Variants in SYN3 observed in about 807,000 individuals in gnomAD.
The protein encoded by SYN3 is synapsin III.
SYN3 carries 35 observed loss-of-function variants against 65.8 expected under a neutral mutation model. The observed-to-expected ratio is 0.53, with a 90% CI of 0.41 to 0.70. SYN3 has a LOEUF of 0.70. Among genes scored for constraint, SYN3 ranks in the 30% least tolerant of loss-of-function variants. The pLI, the probability that SYN3 is intolerant of heterozygous loss-of-function variation, is 0.00. For missense variants in SYN3, 680 were observed against 749.0 expected (o/e 0.91, Z 1.08); for synonymous variants, 270 against 292.9 (o/e 0.92, Z 0.80).
intron 3 of SYN3, among the ~76,000 whole-genome samples, chr22:32,947,310 A>G (rs1362214276): frequency 6.6e-6 from 1 of 152,242 alleles, no homozygotes; most frequent in African/African-American, 2.4e-5. Flanking sequence ...GGCATACTTT[A>G]TAAGAAAGAA....
chr22:32,609,082 T>C (rs2059406957), intron 6 of SYN3, among the ~76,000 whole-genome samples: 1 of 152,128 alleles, frequency 6.6e-6, no homozygotes, highest in South Asian at 2.1e-4. Flanking sequence ...CCCAGCACTT[T>C]GGGAGGCCGA....
At chr22:32,741,862 C>T (rs898702645) in intron 6 of SYN3, among the ~76,000 whole-genome samples, 9 of 152,154 alleles carry the variant, frequency 5.9e-5, no homozygotes, top group Non-Finnish European at 1.0e-4. Context: ...TGTCCCAAGC[C>T]AAAGGGTTCC....
At chr22:32,666,958 T>G (rs1176229361) in intron 6 of SYN3, among the ~76,000 whole-genome samples, 1 of 152,234 alleles carries the variant, frequency 6.6e-6, no homozygotes, top group African/African-American at 2.4e-5. Context: ...ATGTCCTTTG[T>G]CTGTTTCTCT....
At chr22:32,624,663 C>T (rs975767238) in intron 6 of SYN3, among the ~76,000 whole-genome samples, 2 of 152,168 alleles carry the variant, frequency 1.3e-5, no homozygotes, top group African/African-American at 2.4e-5. Flanking sequence ...TTGGGCTGGG[C>T]CTTTGGTCGC....
chr22:32,774,515 G>C (rs1190923958), intron 6 of SYN3, among the ~76,000 whole-genome samples: 1 of 152,192 alleles, frequency 6.6e-6, no homozygotes, highest in Non-Finnish European at 1.5e-5. Context: ...AGACTGGGTA[G>C]GGTGCTGTTG....
Position 32,931,070 on chromosome 22 carries a change from G to T in SYN3, c.461+320C>A, listed in dbSNP as rs535800308. On this transcript the variant is annotated intron_variant, in intron 4 of 13. Coordinates refer to ENST00000358763, the MANE Select transcript of SYN3 (RefSeq NM_003490.4). ...AACTTTAGCAGCCTCTAACTTCAGT[G>T]CATATCATCATGCTGCAGATGAGAA... 1.1e-4 allele frequency: 24 copies of T among 221,412 alleles called. No homozygotes were observed. The South Asian group carries it at 2.3e-3, about 22-fold the overall frequency. The allele number at this position is 221,412 out of a possible 1,614,324, so 13.7% of individuals were successfully genotyped here.
chr22:32,815,525 C>T (rs775536809), intron 6 of SYN3, among the ~76,000 whole-genome samples: 14 of 152,148 alleles, frequency 9.2e-5, no homozygotes, highest in Non-Finnish European at 1.8e-4. Flanking sequence ...GAGGTAGGCA[C>T]TCCTATTTCT....
chr22:32,931,500 CA>C lies in SYN3; in HGVS notation c.370-20del. On this transcript the variant is annotated intron_variant, in intron 3 of 13. Coordinates refer to ENST00000358763, the MANE Select transcript of SYN3 (RefSeq NM_003490.4). ...ATTCAGCCTGAAGAATAAAGCAAAG[CA>C]AAAAAGGATTCATCAAATACCAACG... The C allele has an allele frequency of 1.3e-6, 2 of 1,574,372 alleles. No individual in the cohort carries two copies. Among genetic ancestry groups the C allele is most frequent in the Non-Finnish European group, 1.7e-6 (2 of 1,147,044 alleles).
At chr22:32,552,982 T>A (rs4358228) in intron 7 of SYN3, among the ~76,000 whole-genome samples, 12,393 of 152,308 alleles carry the variant, frequency 0.081, 667 homozygotes, top group Non-Finnish European at 0.12. Flanking sequence ...ATGGTCAGGT[T>A]CTGGTGAGGC....
chr22:32,893,267 G>A (rs1346091283), intron 4 of SYN3, among the ~76,000 whole-genome samples: 2 of 152,182 alleles, frequency 1.3e-5, no homozygotes, highest in Non-Finnish European at 2.9e-5. Flanking sequence ...TATACATTGG[G>A]ATTAATTGGA....
At chr22:33,050,047 TA>T (rs11366864) in intron 1 of SYN3, among the ~76,000 whole-genome samples, 30,759 of 150,114 alleles carry the variant, frequency 0.2, 3,437 homozygotes, top group East Asian at 0.36. Context: ...TATTTTTTCT[TA>T]AAAAAAAAAG....
intron 7 of SYN3, among the ~76,000 whole-genome samples, chr22:32,555,684 G>A (rs2058484742): frequency 6.6e-6 from 1 of 152,124 alleles, no homozygotes; most frequent in Non-Finnish European, 1.5e-5. Context: ...GCAAAAATTA[G>A]CTGGCAGGGC....
chr22:33,040,152 A>AT (rs1190126082), intron 1 of SYN3, among the ~76,000 whole-genome samples: 1 of 113,082 alleles, frequency 8.8e-6, no homozygotes, highest in Admixed American at 8.5e-5. Context: ...TTTAATATAT[A>AT]TTTTTTGTAT....
intron 1 of SYN3, among the ~76,000 whole-genome samples, chr22:33,031,016 T>G (rs1438733898): frequency 1.3e-5 from 2 of 151,830 alleles, no homozygotes; most frequent in African/African-American, 2.4e-5. Context: ...GATAGAGACA[T>G]AGAGAGCCAG....
intron 1 of SYN3, among the ~76,000 whole-genome samples, chr22:33,023,203 C>T (rs966942666): frequency 2.5e-4 from 38 of 152,236 alleles, no homozygotes; most frequent in Admixed American, 1.8e-3. Flanking sequence ...GGCTCCGTGT[C>T]CCGACCCAAA....
chr22:32,518,337 A>G lies in SYN3; in HGVS notation c.1319-3T>C. 6.2e-7 allele frequency: 1 copy of G among 1,609,912 alleles called. No homozygotes were observed. The highest frequency in any genetic ancestry group is 8.5e-7 in the Non-Finnish European group (1 of 1,178,244). On this transcript the variant is annotated splice_region_variant and splice_polypyrimidine_tract_variant and intron_variant, in intron 12 of 13. Transcript: ENST00000358763. ...AGACTGAGCTTGGCGAGGGCCTCCT[A>G]AGGGGCCAGAAAAAAAAAGGTTCAG...
intron 6 of SYN3, among the ~76,000 whole-genome samples, chr22:32,650,757 G>A (rs570202774): frequency 1.4e-4 from 22 of 152,252 alleles, no homozygotes; most frequent in Non-Finnish European, 2.2e-4. Context: ...TCACTATGCC[G>A]CGTGTTTACT....
intron 4 of SYN3, among the ~76,000 whole-genome samples, chr22:32,906,284 C>T (rs1454968696): frequency 6.6e-6 from 1 of 152,126 alleles, no homozygotes; most frequent in Non-Finnish European, 1.5e-5. Context: ...GGGCCTCAAA[C>T]ACAATGAATC....
chr22:32,730,354 T>C (rs778423232), intron 6 of SYN3, among the ~76,000 whole-genome samples: 6 of 152,252 alleles, frequency 3.9e-5, no homozygotes, highest in Non-Finnish European at 5.9e-5. Context: ...AGCAGCCACC[T>C]GGGTAAGCTC....
Sources: gnomAD v4.1 joint callset for allele counts (sites outside exome capture counted in the v4.1 genomes callset) on GRCh38, gnomAD v4.1.1 for gene constraint, MANE v1.5 for transcripts, NCBI Gene and HGNC (gene_info 2026-07-23, HGNC 2026-07-21) for gene names.